PRR12: variants seen among roughly 807,000 people sequenced by gnomAD.
PRR12 encodes the protein proline rich 12.
A neutral mutation model predicts 138.0 loss-of-function variants in PRR12; 12 were observed. That is an observed-to-expected ratio of 0.09 (90% CI 0.06 to 0.14). The LOEUF is 0.14. PRR12 is among the 10% of genes least tolerant of loss of function. The pLI is 1.00. For missense variants in PRR12, 2,692 were observed against 2,861.3 expected (o/e 0.94, Z 1.35); for synonymous variants, 1,567 against 1,291.7 (o/e 1.21, Z -4.57).
chr19:49,597,348 A>G lies in PRR12; in HGVS notation c.3013A>G (p.Thr1005Ala). The G allele has an allele frequency of 6.5e-7, 1 of 1,540,308 alleles. No homozygotes were observed. Among genetic ancestry groups the G allele is most frequent in the Non-Finnish European group, 8.7e-7 (1 of 1,147,278 alleles). ...CCGGGCGTCGGGAGCCGGGCCCGAG[A>G]CACCGGGCCTGGGCCTGGACCCCAA... ...PGRASGAGPETPGLGLDPNKP... is the reference protein window; with the variant it reads ...PGRASGAGPEAPGLGLDPNKP... Residue 1005 changes from threonine to alanine, a missense_variant, in exon 4 of 14, where the codon ACA (threonine) becomes GCA (alanine). Physicochemically the swap from Thr to Ala is moderately conservative, Grantham distance 58. Transcript: ENST00000418929. The surrounding 1 kb of genome is among the most constrained non-coding windows in gnomAD (Gnocchi z 6.3).
chr19:49,599,195 AT>A lies in PRR12; in HGVS notation c.3679-72del. 7.1e-7 allele frequency: 1 copy of A among 1,408,010 alleles called. No homozygotes were observed. Among genetic ancestry groups the A allele is most frequent in the Non-Finnish European group, 9.4e-7 (1 of 1,065,392 alleles). The allele number at this position is 1,408,010 out of a possible 1,614,324, so 87.2% of individuals were successfully genotyped here. On this transcript the variant is annotated intron_variant, in intron 4 of 13. Coordinates refer to ENST00000418929, the MANE Select transcript of PRR12 (RefSeq NM_020719.3). This position sits in a 1 kb window ranked among gnomAD's most constrained non-coding sequence, Gnocchi z 5.0. ...ACAGGCTGAGCACCTGTAAATTTGG[AT>A]TTTTGGGGGCTGAGGGAGGATGGGA...
chr19:49,594,637 C>T lies in PRR12; in HGVS notation c.361+22C>T, dbSNP rs780238716. On this transcript the variant is annotated intron_variant, in intron 3 of 13. Transcript: ENST00000418929. The surrounding 1 kb of genome is among the most constrained non-coding windows in gnomAD (Gnocchi z 5.6). ...ACAGGTAAGCCCAGCGCCGGCCCTG[C>T]AGGGCCAGGGTGGGACTGGCTCGCT... The T allele has an allele frequency of 1.2e-6, 2 of 1,611,072 alleles. No homozygotes were observed.
At chr19:49,612,888 T>C (rs1012501051) in intron 6 of PRR12, among the ~76,000 whole-genome samples, 4 of 151,688 alleles carry the variant, frequency 2.6e-5, no homozygotes, top group African/African-American at 9.7e-5. Context: ...GGTCTCAAAC[T>C]CCCGACCTCA....
chr19:49,613,556 G>A (rs1007528068), intron 6 of PRR12, among the ~76,000 whole-genome samples: 1 of 152,188 alleles, frequency 6.6e-6, no homozygotes, highest in Non-Finnish European at 1.5e-5. Context: ...GTGGTGGTTG[G>A]TGTTCAGGTG....
chr19:49,595,153 C>G lies in PRR12; in HGVS notation c.818C>G (p.Pro273Arg), dbSNP rs1433448073. 10 of 1,611,126 alleles carry G rather than the reference C, an allele frequency of 6.2e-6. No individual in the cohort carries two copies. Among genetic ancestry groups the G allele is most frequent in the Non-Finnish European group, 8.5e-6 (10 of 1,179,542 alleles). ...CTCTATAACTTCTCGGGTGCTGCCC[C>G]GGGCCCACCGCCGCCTGAGCGGGCC... ...PQLYNFSGAA[P>R]GPPPPERALP... Residue 273 changes from proline to arginine, a missense_variant, in exon 4 of 14, where the codon CCG becomes CGG. By Grantham distance (103) the Pro-to-Arg change is moderately radical. Transcript: ENST00000418929.
rs770405518 is a variant in PRR12, at chr19:49,615,778, G to A, written c.5056G>A (p.Ala1686Thr). 6.2e-7 allele frequency: 1 copy of A among 1,612,924 alleles called. No homozygotes were observed. Reference protein sequence around the residue: ...RSGQAKNPVSAGGSSAPPPKA... With the variant: ...RSGQAKNPVSTGGSSAPPPKA... Reference sequence around the variant, plus strand: ...TGGGCAGGCCAAGAACCCCGTATCTGCTGGGGGTAGCTCTGCACCTCCCCC... The same window carrying A: ...TGGGCAGGCCAAGAACCCCGTATCTACTGGGGGTAGCTCTGCACCTCCCCC... The change falls in exon 9 of 14, where the codon GCT (alanine) becomes ACT (threonine). Residue 1686 changes from alanine to threonine, a missense_variant. This residue lies in a region of PRR12 where 259 missense variants were observed against 265.1 expected (regional missense o/e 0.98). Transcript: ENST00000418929.
At position 49,596,723 on chromosome 19, in the gene PRR12, G is replaced by C; in HGVS notation, c.2388G>C (p.Pro796=). The change falls in exon 4 of 14, where the codon CCG becomes CCC. Residue 796 remains proline, a synonymous_variant. Transcript: ENST00000418929. The surrounding 1 kb of genome is among the most constrained non-coding windows in gnomAD (Gnocchi z 5.6). ...CTGACCTCCCACTGGTGCTGCCTCCGCCTCCCCCCCAGCTGCTCCCCTCGG... is the reference window on the plus strand; with the variant it reads ...CTGACCTCCCACTGGTGCTGCCTCCCCCTCCCCCCCAGCTGCTCCCCTCGG... ...GGPDLPLVLP[P]PPPQLLPSVL... 1 of 1,604,038 alleles carries C rather than the reference G, an allele frequency of 6.2e-7. No homozygotes were observed. The highest frequency in any genetic ancestry group is 8.5e-7 in the Non-Finnish European group (1 of 1,178,568).
At chr19:49,611,915 T>C (rs1599797206) in intron 6 of PRR12, among the ~76,000 whole-genome samples, 1 of 46,768 alleles carries the variant, frequency 2.1e-5, no homozygotes, top group Non-Finnish European at 3.4e-5. Context: ...AGAGCGAGAC[T>C]CCGTCTCAAA....
intron 8 of PRR12, among the ~76,000 whole-genome samples, chr19:49,615,309 C>T (rs752549503): frequency 6.7e-6 from 1 of 148,808 alleles, no homozygotes; most frequent in Non-Finnish European, 1.5e-5. Flanking sequence ...GAGACAGAGA[C>T]CCAGAGAAAA....
Position 49,597,678 on chromosome 19 carries a change from C to T in PRR12, c.3343C>T (p.Arg1115Cys). 11 of 1,606,192 alleles carry T rather than the reference C, an allele frequency of 6.8e-6. No homozygotes were observed. Among genetic ancestry groups the T allele is most frequent in the Non-Finnish European group, 9.3e-6 (11 of 1,177,522 alleles). Residue 1115 changes from arginine to cysteine, a missense_variant, in exon 4 of 14, where the codon CGC becomes TGC. Arg to Cys is a radical substitution (Grantham distance 180). This residue lies in a region of PRR12 where 6 missense variants were observed against 19.6 expected (regional missense o/e 0.31). Transcript: ENST00000418929. The surrounding 1 kb of genome is among the most constrained non-coding windows in gnomAD (Gnocchi z 6.3). ...CAAGGCCGATGTTCCCGCCGACATCCGCCTCAACCCCCGGCGCTTGCCTGA... is the reference window on the plus strand; with the variant it reads ...CAAGGCCGATGTTCCCGCCGACATCTGCCTCAACCCCCGGCGCTTGCCTGA... ...EDKADVPADI[R>C]LNPRRLPDLV...
chr19:49,615,399 C>A (rs2080886544), intron 8 of PRR12, among the ~76,000 whole-genome samples: 1 of 146,810 alleles, frequency 6.8e-6, no homozygotes, highest in Non-Finnish European at 1.5e-5. Context: ...CAGAGACTCA[C>A]AGAAGGCTAC....
chr19:49,609,985 T>C (rs1318741045), intron 6 of PRR12, among the ~76,000 whole-genome samples: 1 of 151,774 alleles, frequency 6.6e-6, no homozygotes, highest in South Asian at 2.1e-4. Flanking sequence ...CTTTCTTTTT[T>C]TTTTTTGAGA....
chr19:49,601,566 C>T lies in PRR12; in HGVS notation c.4421C>T (p.Pro1474Leu). The change falls in exon 6 of 14, where the codon CCC (proline) becomes CTC (leucine). Residue 1474 changes from proline to leucine, a missense_variant. By Grantham distance (98) the Pro-to-Leu change is moderately conservative. Coordinates refer to ENST00000418929, the MANE Select transcript of PRR12 (RefSeq NM_020719.3). ...ACTCCTCAGCCTCAGCCTCCGCCACCCCCTCCGCCGCCACAGCCAGCCCTG... is the reference window on the plus strand; with the variant it reads ...ACTCCTCAGCCTCAGCCTCCGCCACTCCCTCCGCCGCCACAGCCAGCCCTG... ...APTPQPQPPP[P>L]PPPPQPALPS... 1.3e-6 allele frequency: 2 copies of T among 1,540,554 alleles called. No individual in the cohort carries two copies. The highest frequency in any genetic ancestry group is 1.8e-6 in the Non-Finnish European group (2 of 1,139,538).
At position 49,596,731 on chromosome 19, in the gene PRR12, C is replaced by A. The variant is rs541005642; in HGVS notation, c.2396C>A (p.Pro799His). 1.5e-4 allele frequency: 234 copies of A among 1,604,990 alleles called. No individual in the cohort carries two copies. Among genetic ancestry groups the A allele is most frequent in the Admixed American group, 6.3e-4 (38 of 59,898 alleles). Reference sequence around the variant, plus strand: ...CCACTGGTGCTGCCTCCGCCTCCCCCCCAGCTGCTCCCCTCGGTCCTCAGC... The same window carrying A: ...CCACTGGTGCTGCCTCCGCCTCCCCACCAGCTGCTCCCCTCGGTCCTCAGC... The part of the protein sequence containing the change: ...DLPLVLPPPP[P>H]QLLPSVLSHA... The change falls in exon 4 of 14, where the codon CCC becomes CAC. Residue 799 changes from proline to histidine, a missense_variant. Pro to His is a moderately conservative substitution (Grantham distance 77). Around this residue, in one of 11 missense-constraint regions of PRR12, gnomAD observed 840 missense variants for 689.8 expected, o/e 1.22. Transcript: ENST00000418929. This position sits in a 1 kb window ranked among gnomAD's most constrained non-coding sequence, Gnocchi z 5.6.
Position 49,599,612 on chromosome 19 carries a change from C to G in PRR12, c.4019C>G (p.Ala1340Gly), listed in dbSNP as rs186611707. The change falls in exon 5 of 14, where the codon GCC becomes GGC. Residue 1340 changes from alanine (A) to glycine (G), a missense_variant. Transcript: ENST00000418929. The surrounding 1 kb of genome is among the most constrained non-coding windows in gnomAD (Gnocchi z 5.0). ...PAVPHPPPSG[A>G]FGLGGALEAA... Reference sequence around the variant, plus strand: ...GTGCCACATCCCCCACCTTCCGGAGCCTTTGGGCTTGGGGGCGCCCTGGAG... The same window carrying G: ...GTGCCACATCCCCCACCTTCCGGAGGCTTTGGGCTTGGGGGCGCCCTGGAG... 1 of 1,602,618 alleles carries G rather than the reference C, an allele frequency of 6.2e-7. No individual in the cohort carries two copies. The highest frequency in any genetic ancestry group is 1.3e-5 in the African/African-American group (1 of 74,648).
At chr19:49,592,907 G>A (rs1257670698) in intron 1 of PRR12, among the ~76,000 whole-genome samples, 1 of 151,724 alleles carries the variant, frequency 6.6e-6, no homozygotes, top group African/African-American at 2.4e-5. Flanking sequence ...TGTGTCTACG[G>A]AAGAGGAGGC....
At chr19:49,608,887 C>G (rs1278523122) in intron 6 of PRR12, among the ~76,000 whole-genome samples, 2 of 152,020 alleles carry the variant, frequency 1.3e-5, no homozygotes, top group Non-Finnish European at 2.9e-5. Context: ...AGCTCAAGAA[C>G]CACTTGTGGG....
Position 49,599,574 on chromosome 19 carries a change from T to C in PRR12, c.3981T>C (p.Pro1327=). ...VPARGLQPQP[P]ATPAVPHPPP... ...CCCGAGGCCTGCAGCCCCAGCCCCC[T>C]GCCACCCCTGCTGTGCCACATCCCC... Residue 1327 remains proline (P), a synonymous_variant, in exon 5 of 14, where the codon CCT becomes CCC. Coordinates refer to ENST00000418929, the MANE Select transcript of PRR12 (RefSeq NM_020719.3). This position sits in a 1 kb window ranked among gnomAD's most constrained non-coding sequence, Gnocchi z 5.0. 1 of 1,594,510 alleles carries C rather than the reference T, an allele frequency of 6.3e-7. No homozygotes were observed. Among genetic ancestry groups the C allele is most frequent in the Non-Finnish European group, 8.5e-7 (1 of 1,170,492 alleles).
At chr19:49,618,079 CAG>C (rs2080902070) in intron 9 of PRR12, among the ~76,000 whole-genome samples, 1 of 152,184 alleles carries the variant, frequency 6.6e-6, no homozygotes, top group Non-Finnish European at 1.5e-5. Flanking sequence ...GCCTGGGCAA[CAG>C]AGGGAAACTC....
Sources: gnomAD v4.1 joint callset for allele counts (sites outside exome capture counted in the v4.1 genomes callset) on GRCh38, gnomAD v4.1.1 for gene constraint, gnomAD v4.1.1 regional missense constraint, Gnocchi (gnomAD v3.1) non-coding constraint, MANE v1.5 for transcripts, NCBI Gene and HGNC (gene_info 2026-07-23, HGNC 2026-07-21) for gene names.